The following RAB11FIP4 variants were observed in gnomAD, a reference collection of about 807,000 sequenced individuals.
The protein encoded by RAB11FIP4 is RAB11 family interacting protein 4.
In RAB11FIP4, 23 loss-of-function variants were observed where a neutral mutation model predicts 74.3. The observed-to-expected ratio is 0.31, with a 90% CI of 0.22 to 0.44. The LOEUF is 0.44. Ranked by LOEUF, RAB11FIP4 falls within the 20% of genes least tolerant of loss-of-function variation. RAB11FIP4 has a pLI of 1.00. For synonymous variants in RAB11FIP4, 360 were observed against 359.9 expected, an observed-to-expected ratio of 1.00 and a Z score of 0.00; for missense variants, 630 against 863.9, an observed-to-expected ratio of 0.73 and a Z score of 3.39.
rs2072953784 is a variant in RAB11FIP4, at chr17:31,536,035, G to T, written c.*4303G>T. 1 of 86,330 alleles carries T rather than the reference G, an allele frequency of 1.2e-5. No individual in the cohort carries two copies. Among genetic ancestry groups the T allele is most frequent in the African/African-American group, 5.5e-5 (1 of 18,176 alleles). 5.3% of individuals were successfully genotyped at this position (86,330 alleles called of 1,614,324 possible). On this transcript the variant is annotated 3_prime_UTR_variant, in exon 15 of 15. Coordinates refer to ENST00000621161, the MANE Select transcript of RAB11FIP4 (RefSeq NM_032932.6). ...TCCACTGGTGCTGGTGTTCAGGGGA[G>T]TTGGGGGGGGGGGGCGCGGGGACAG...
intron 1 of RAB11FIP4, among the ~76,000 whole-genome samples, chr17:31,424,326 G>C (rs1476591023): frequency 6.6e-6 from 1 of 152,164 alleles, no homozygotes; most frequent in African/African-American, 2.4e-5. Flanking sequence ...CCAGAACCAG[G>C]AGGCTTGCTT....
Position 31,505,898 on chromosome 17 carries a change from G to A in RAB11FIP4, c.337-11753G>A, listed in dbSNP as rs867037778. ...TTTACTTTTTTTTTTTTTTTGTAGA[G>A]ATGGAGTCTCATTATGTTTCCCAGG... On this transcript the variant is annotated intron_variant, in intron 3 of 14. Transcript: ENST00000621161. Among the ~76,000 whole-genome samples, 72 of 143,152 alleles carry A rather than the reference G, an allele frequency of 5.0e-4. 1 individual carries two copies. The highest frequency in any genetic ancestry group is 1.8e-3 in the African/African-American group (69 of 38,438). The allele number at this position is 143,152 out of a possible 152,430, so 93.9% of individuals were successfully genotyped here. A position where few individuals can be genotyped will look rare whatever the true frequency, so the allele number is the denominator to read the frequency against.
chr17:31,453,300 A>G (rs952951097), intron 3 of RAB11FIP4, among the ~76,000 whole-genome samples: 4 of 141,192 alleles, frequency 2.8e-5, no homozygotes, highest in Admixed American at 7.7e-5. Flanking sequence ...GCAGTGAGCT[A>G]TTATATTATC....
rs2072314250 is a variant in RAB11FIP4, at chr17:31,505,534, T to A, written c.337-12117T>A. On this transcript the variant is annotated intron_variant, in intron 3 of 14. Coordinates refer to ENST00000621161, the MANE Select transcript of RAB11FIP4 (RefSeq NM_032932.6). ...TATAATAATTATATATTATATATAA[T>A]TATTATATATTATATATAATAATAA... Among the ~76,000 whole-genome samples the A allele has an allele frequency of 6.8e-5, 6 of 88,348 alleles. No individual in the cohort carries two copies. The Admixed American group carries it at 9.7e-4, about 14-fold the overall frequency. 58.0% of individuals were successfully genotyped at this position (88,348 alleles called of 152,430 possible).
rs1463869635 is a variant in RAB11FIP4, at chr17:31,445,530, TTTTA to T, written c.336+11410_336+11413del. 4.7e-3 allele frequency among the ~76,000 whole-genome samples: 172 copies of T among 36,654 alleles called. 4 individuals carry two copies. The highest frequency in any genetic ancestry group is 0.024 in the African/African-American group (164 of 6,932). 24.0% of individuals were successfully genotyped at this position (36,654 alleles called of 152,430 possible). ...AAAATCTACATTCAAATTTTCCCAA[TTTTA>T]TATATATATATATATATATATATAT... On this transcript the variant is annotated intron_variant, in intron 3 of 14. Coordinates refer to ENST00000621161, the MANE Select transcript of RAB11FIP4 (RefSeq NM_032932.6).
intron 3 of RAB11FIP4, among the ~76,000 whole-genome samples, chr17:31,455,234 G>A (rs1474515104): frequency 6.6e-6 from 1 of 152,168 alleles, no homozygotes; most frequent in African/African-American, 2.4e-5. Flanking sequence ...ACTAAACAAG[G>A]AAGAGGGGGA....
chr17:31,418,303 G>A (rs540346953), intron 1 of RAB11FIP4, among the ~76,000 whole-genome samples: 2 of 152,044 alleles, frequency 1.3e-5, no homozygotes, highest in African/African-American at 2.4e-5. Flanking sequence ...CAGCAAAATC[G>A]CTTGAACCCG....
intron 1 of RAB11FIP4, among the ~76,000 whole-genome samples, chr17:31,416,381 A>G (rs149632099): frequency 2.2e-3 from 328 of 152,302 alleles, no homozygotes; most frequent in Non-Finnish European, 3.0e-3. Flanking sequence ...GCCTGGGCTC[A>G]GGGTGCAGGA....
At chr17:31,412,901 G>C (rs2071111981) in intron 1 of RAB11FIP4, among the ~76,000 whole-genome samples, 2 of 152,348 alleles carry the variant, frequency 1.3e-5, no homozygotes, top group Middle Eastern at 3.4e-3. Flanking sequence ...CTGAGGCTCA[G>C]AGAGGTCGGG....
chr17:31,427,719 G>C (rs2071267207), intron 1 of RAB11FIP4, among the ~76,000 whole-genome samples: 1 of 152,236 alleles, frequency 6.6e-6, no homozygotes. Flanking sequence ...CTGGAGGGTA[G>C]AGGGTGCCCT....
At position 31,407,356 on chromosome 17, in the gene RAB11FIP4, T is replaced by A. The variant is rs570728955; in HGVS notation, c.159+15345T>A. Reference sequence around the variant, plus strand: ...GAGCCATCGTGGCTGGCTTTCACCCTACCTCTTATCTGTCTGTCTTATCTA... The same window carrying A: ...GAGCCATCGTGGCTGGCTTTCACCCAACCTCTTATCTGTCTGTCTTATCTA... On this transcript the variant is annotated intron_variant, in intron 1 of 14. Transcript: ENST00000621161. Among the ~76,000 whole-genome samples the A allele has an allele frequency of 9.2e-5, 14 of 152,296 alleles. No individual in the cohort carries two copies. The South Asian group carries it at 2.7e-3, about 29-fold the overall frequency.
rs762339359 is a variant in RAB11FIP4 at position 31,521,349 on chromosome 17, G to C, written c.747G>C (p.Ser249=). The C allele has an allele frequency of 2.5e-6, 4 of 1,603,318 alleles. No individual in the cohort carries two copies. Among genetic ancestry groups the C allele is most frequent in the Non-Finnish European group, 3.4e-6 (4 of 1,174,194 alleles). ...ACGTCTACTCGGACCTGGGGTCTTCGGTGTCTTCCAGGTGGCCCCTTGGTC... is the reference window on the plus strand; with the variant it reads ...ACGTCTACTCGGACCTGGGGTCTTCCGTGTCTTCCAGGTGGCCCCTTGGTC... The part of the protein sequence containing the change: ...RTNVYSDLGS[S]VSSSAGQTPR... The change falls in exon 5 of 15, where the codon TCG becomes TCC. Residue 249 remains serine (S), a synonymous_variant. Coordinates refer to ENST00000621161, the MANE Select transcript of RAB11FIP4 (RefSeq NM_032932.6).
At chr17:31,467,471 CCTT>C (rs1354160241) in intron 3 of RAB11FIP4, among the ~76,000 whole-genome samples, 1 of 152,144 alleles carries the variant, frequency 6.6e-6, no homozygotes, top group Non-Finnish European at 1.5e-5. Flanking sequence ...TTGGTACTCC[CCTT>C]CTTCATCCTG....
intron 4 of RAB11FIP4, among the ~76,000 whole-genome samples, chr17:31,518,957 C>G (rs1358082147): frequency 1.3e-5 from 2 of 151,182 alleles, no homozygotes; most frequent in Admixed American, 1.3e-4. Context: ...CTCAGCCTCC[C>G]GAGTAGCTGG....
In RAB11FIP4 at chr17:31,392,020, G is replaced by A. The variant is rs1467417334; in HGVS notation, c.159+9G>A. 3 of 1,295,852 alleles carry A rather than the reference G, an allele frequency of 2.3e-6. No individual in the cohort carries two copies. The highest frequency in any genetic ancestry group is 2.9e-6 in the Non-Finnish European group (3 of 1,021,282). 80.3% of individuals were successfully genotyped at this position (1,295,852 alleles called of 1,614,324 possible). A position where few individuals can be genotyped will look rare whatever the true frequency, so the allele number is the denominator to read the frequency against. ...TCGGCCAGGGCGAGGAGGTAAGCTG[G>A]CCCGACCCCAGTCCCGGCCCGGGGA... On this transcript the variant is annotated intron_variant, in intron 1 of 14. Transcript: ENST00000621161.
At chr17:31,513,477 AC>A (rs2072490163) in intron 3 of RAB11FIP4, among the ~76,000 whole-genome samples, 3 of 152,182 alleles carry the variant, frequency 2.0e-5, no homozygotes, top group Admixed American at 2.0e-4. Flanking sequence ...AAGGGCTTCC[AC>A]CAGACCCTTC....
chr17:31,401,677 G>A (rs953272654), intron 1 of RAB11FIP4, among the ~76,000 whole-genome samples: 1 of 152,220 alleles, frequency 6.6e-6, no homozygotes, highest in Non-Finnish European at 1.5e-5. Context: ...GGCCTGCAGT[G>A]GGCACTGTCC....
At chr17:31,420,354 C>T (rs2071187249) in intron 1 of RAB11FIP4, among the ~76,000 whole-genome samples, 2 of 152,130 alleles carry the variant, frequency 1.3e-5, no homozygotes, top group African/African-American at 4.8e-5. Flanking sequence ...CCTCACCCAA[C>T]CCCGGTAGCT....
intron 1 of RAB11FIP4, among the ~76,000 whole-genome samples, chr17:31,400,333 G>A (rs560824951): frequency 1.1e-4 from 17 of 152,344 alleles, no homozygotes; most frequent in African/African-American, 3.4e-4. Context: ...TCTTGGAAAC[G>A]TGGTCCAGGC....
Sources: gnomAD v4.1 joint callset for allele counts (sites outside exome capture counted in the v4.1 genomes callset) on GRCh38, gnomAD v4.1.1 for gene constraint, MANE v1.5 for transcripts, NCBI Gene and HGNC (gene_info 2026-07-23, HGNC 2026-07-21) for gene names.